Variants in CAPZA1 observed in about 807,000 individuals in gnomAD.
CAPZA1 encodes F-actin-capping protein subunit alpha-1.
Under a neutral mutation model 40.8 loss-of-function variants are expected in CAPZA1, and 10 were observed. The ratio of observed to expected loss-of-function variants is 0.25; its 90% CI spans 0.15 to 0.42. CAPZA1 has a LOEUF of 0.42. Among genes scored for constraint, CAPZA1 ranks in the 10% least tolerant of loss-of-function variants. The pLI, the probability that CAPZA1 is intolerant of heterozygous loss-of-function variation, is 1.00. For synonymous variants in CAPZA1, 98 were observed against 115.0 expected (o/e 0.85, Z 0.95); for missense variants, 277 against 353.8 (o/e 0.78, Z 1.74).
chr1:112,628,425 C>G (rs1670856892), intron 1 of CAPZA1, among the ~76,000 whole-genome samples: 2 of 152,044 alleles, frequency 1.3e-5, no homozygotes, highest in South Asian at 4.2e-4. Context: ...ATGTATAAAA[C>G]TGGAATAACA....
At chr1:112,664,003 G>C (rs1024284333) in intron 7 of CAPZA1, among the ~76,000 whole-genome samples, 6 of 151,978 alleles carry the variant, frequency 3.9e-5, no homozygotes, top group Non-Finnish European at 8.8e-5. Context: ...GGAAGCCAAA[G>C]CAGGGGGATC....
At position 112,670,362 on chromosome 1, in the gene CAPZA1, C is replaced by CTTTTTTT. The variant is rs58051216; in HGVS notation, c.*243_*249dup. On this transcript the variant is annotated 3_prime_UTR_variant, in exon 10 of 10. Coordinates refer to ENST00000263168, the MANE Select transcript of CAPZA1 (RefSeq NM_006135.3). ...TATATCTACGTGTAAATCTTTTTTT[C>CTTTTTTT]TTTTTTTTTTTTTTTTTTTGGTTAA... The CTTTTTTT allele has an allele frequency of 2.3e-4, 35 of 150,234 alleles. No homozygotes were observed. The highest frequency in any genetic ancestry group is 4.1e-4 in the South Asian group (4 of 9,706). The allele number at this position is 150,234 out of a possible 1,614,324, so 9.3% of individuals were successfully genotyped here. A position where few individuals can be genotyped will look rare whatever the true frequency, so the allele number is the denominator to read the frequency against.
chr1:112,638,292 A>G (rs1269164545), intron 1 of CAPZA1, among the ~76,000 whole-genome samples: 1 of 152,070 alleles, frequency 6.6e-6, no homozygotes, highest in East Asian at 1.9e-4. Context: ...GAATTAGGGA[A>G]GGAGGAGCCA....
At chr1:112,667,050 A>G (rs1299531589) in intron 7 of CAPZA1, 24 bp from the exon 8 acceptor site, 2 of 1,574,576 alleles carry the variant, frequency 1.3e-6, no homozygotes, top group Admixed American at 3.6e-5. Flanking sequence ...TCCCCTAAAA[A>G]GGCTCAAACA....
intron 1 of CAPZA1, 157 bp downstream of exon 1, chr1:112,620,040 G>C (rs1354548554): frequency 1.7e-6 from 1 of 601,892 alleles, no homozygotes; most frequent in East Asian, 3.0e-5. Flanking sequence ...CCTCTTAGGG[G>C]GCTTTCCTCT....
At chr1:112,667,236 G>A in intron 8 of CAPZA1, 91 bp downstream of exon 8, 1 of 889,920 alleles carries the variant, frequency 1.1e-6, no homozygotes, top group Non-Finnish European at 1.8e-6. Context: ...TCTGCCAGTA[G>A]AAATTCAGTT....
chr1:112,649,993 CT>C (rs112208324), intron 3 of CAPZA1: 3,610 of 147,618 alleles, frequency 0.024, 54 homozygotes, highest in African/African-American at 0.041. Flanking sequence ...GGTGGTGCCT[CT>C]TTTTTTTTTT....
At chr1:112,628,619 G>A (rs12082585) in intron 1 of CAPZA1, among the ~76,000 whole-genome samples, 99 of 152,250 alleles carry the variant, frequency 6.5e-4, no homozygotes, top group African/African-American at 2.2e-3. Flanking sequence ...ACCAAGTCAC[G>A]TCTTTGTATA....
intron 2 of CAPZA1, among the ~76,000 whole-genome samples, chr1:112,648,326 A>C (rs1671319667): frequency 6.6e-6 from 1 of 150,728 alleles, no homozygotes; most frequent in South Asian, 2.1e-4. Flanking sequence ...CATTTTTAAT[A>C]AATTTTCCTG....
intron 1 of CAPZA1, among the ~76,000 whole-genome samples, chr1:112,628,618 C>T (rs772342198): frequency 2.6e-5 from 4 of 152,160 alleles, no homozygotes; most frequent in African/African-American, 4.8e-5. Flanking sequence ...AACCAAGTCA[C>T]GTCTTTGTAT....
At chr1:112,642,202 CTTTTTTTTTTTTT>C (rs770352173) in intron 1 of CAPZA1, among the ~76,000 whole-genome samples, 1 of 59,008 alleles carries the variant, frequency 1.7e-5, no homozygotes, top group South Asian at 9.2e-4. Flanking sequence ...TACCCCGCAC[CTTTTTTTTTTTTT>C]TTTTTTTTTT....
At chr1:112,635,953 C>T (rs1252203644) in intron 1 of CAPZA1, among the ~76,000 whole-genome samples, 4 of 152,204 alleles carry the variant, frequency 2.6e-5, no homozygotes, top group South Asian at 4.1e-4. Flanking sequence ...TGCTTGAACC[C>T]GGGAGGCGGA....
intron 7 of CAPZA1, among the ~76,000 whole-genome samples, chr1:112,664,683 C>A (rs374054083): frequency 7.9e-5 from 12 of 152,234 alleles, no homozygotes; most frequent in African/African-American, 2.9e-4. Context: ...TGACTGTAAT[C>A]CCAGTACTTT....
intron 5 of CAPZA1, 76 bp from the exon 6 acceptor site, chr1:112,658,946 T>C (rs981097188): frequency 2.5e-5 from 27 of 1,074,402 alleles, no homozygotes; most frequent in South Asian, 8.9e-5. Flanking sequence ...GATTTAACAC[T>C]CTGCTTTTGT....
At chr1:112,642,202 CTTTTTTTTT>C (rs770352173) in intron 1 of CAPZA1, among the ~76,000 whole-genome samples, 1 of 59,008 alleles carries the variant, frequency 1.7e-5, no homozygotes, top group Non-Finnish European at 2.9e-5. Context: ...TACCCCGCAC[CTTTTTTTTT>C]TTTTTTTTTT....
At chr1:112,652,847 TAAAA>T (rs1310556800) in intron 3 of CAPZA1, among the ~76,000 whole-genome samples, 1 of 152,216 alleles carries the variant, frequency 6.6e-6, no homozygotes, top group East Asian at 1.9e-4. Flanking sequence ...AGAGAGCCAT[TAAAA>T]ATGCAGAATT....
chr1:112,629,138 C>A (rs1044261835), intron 1 of CAPZA1, among the ~76,000 whole-genome samples: 9 of 152,162 alleles, frequency 5.9e-5, no homozygotes, highest in Non-Finnish European at 1.2e-4. Flanking sequence ...TGGGATGTTA[C>A]CTCTTTGCCA....
rs547591690 is a variant in CAPZA1 at position 112,665,532 on chromosome 1, T to C, written c.586-1542T>C. On this transcript the variant is annotated intron_variant, in intron 7 of 9. Transcript: ENST00000263168. ...TTAGACTGGTATACCTTAGCAGAAA[T>C]ACCTTAGCAGAAATTTATTCCTCAT... Among the ~76,000 whole-genome samples, 5 of 152,198 alleles carry C rather than the reference T, an allele frequency of 3.3e-5. No homozygotes were observed. The East Asian group carries it at 9.7e-4, about 29-fold the overall frequency.
At chr1:112,631,411 T>G (rs1253883615) in intron 1 of CAPZA1, among the ~76,000 whole-genome samples, 7 of 152,102 alleles carry the variant, frequency 4.6e-5, no homozygotes, top group African/African-American at 7.2e-5. Context: ...GTCCTAGATA[T>G]GAGTAGGTTT....
Sources: allele counts gnomAD v4.1 joint callset (sites outside exome capture counted in the v4.1 genomes callset), GRCh38; gene constraint gnomAD v4.1.1; transcripts MANE v1.5; gene names NCBI Gene and HGNC (gene_info 2026-07-23, HGNC 2026-07-21).